HGS: variants seen among roughly 807,000 people sequenced by gnomAD.
HGS encodes the protein hepatocyte growth factor-regulated tyrosine kinase substrate.
Under a neutral mutation model 109.7 loss-of-function variants are expected in HGS, and 63 were observed. The ratio of observed to expected loss-of-function variants is 0.57; its 90% CI spans 0.47 to 0.71. The LOEUF (loss-of-function observed/expected upper bound fraction) is 0.71, where lower values mean the gene tolerates loss of function less well. HGS is among the 30% of genes least tolerant of loss of function. HGS has a pLI of 0.00. For synonymous variants in HGS, 546 were observed against 437.3 expected, an observed-to-expected ratio of 1.25 and a Z score of -3.10; for missense variants, 995 against 1,068.3, an observed-to-expected ratio of 0.93 and a Z score of 0.96.
At chr17:81,684,830 C>G in intron 1 of HGS, 2 of 894,836 alleles carry the variant, frequency 2.2e-6, no homozygotes, top group Non-Finnish European at 2.7e-6. Flanking sequence ...AAGGAGACTT[C>G]AAGTGAGACA....
Position 81,686,264 on chromosome 17 carries a change from C to G in HGS, c.123-48C>G, listed in dbSNP as rs1344426681. Reference sequence around the variant, plus strand: ...GCTTTTCTCATCTTAGTTGCTGAGACTATTTTTTTCCCGTTTTTCTCTGCT... The same window carrying G: ...GCTTTTCTCATCTTAGTTGCTGAGAGTATTTTTTTCCCGTTTTTCTCTGCT... On this transcript the variant is annotated intron_variant, in intron 2 of 21. Transcript: ENST00000329138. 3 of 1,503,242 alleles carry G rather than the reference C, an allele frequency of 2.0e-6. No homozygotes were observed. The East Asian group carries it at 6.8e-5, about 34-fold the overall frequency. 93.1% of individuals were successfully genotyped at this position (1,503,242 alleles called of 1,614,324 possible).
Position 81,700,457 on chromosome 17 carries a change from T to C in HGS, c.1883-10T>C, listed in dbSNP as rs2037218077. On this transcript the variant is annotated splice_polypyrimidine_tract_variant and intron_variant, in intron 18 of 21. Coordinates refer to ENST00000329138, the MANE Select transcript of HGS (RefSeq NM_004712.5). ...TGGCTGAACCATCTCCCCTGTCTTG[T>C]TTGTCACAGATCCCAGCATGGTGAG... 7 of 1,549,630 alleles carry C rather than the reference T, an allele frequency of 4.5e-6. No individual in the cohort carries two copies.
chr17:81,685,025 G>T, intron 1 of HGS: 1 of 985,430 alleles, frequency 1.0e-6, no homozygotes, highest in South Asian at 4.7e-5. Flanking sequence ...TGCCCCCCCA[G>T]AGGGGCCAGT....
chr17:81,697,265 G>A (rs538623151), intron 18 of HGS: 13 of 387,522 alleles, frequency 3.4e-5, no homozygotes, highest in African/African-American at 2.3e-4. Context: ...CTGGGCTGCC[G>A]ATCCTCGTCT....
chr17:81,684,645 G>C (rs1422791163), intron 1 of HGS, among the ~76,000 whole-genome samples: 1 of 152,192 alleles, frequency 6.6e-6, no homozygotes, highest in Non-Finnish European at 1.5e-5. Flanking sequence ...CACGTTTTTG[G>C]AGGTGAAAGC....
At chr17:81,694,515 C>T (rs558617717) in intron 11 of HGS, among the ~76,000 whole-genome samples, 30 of 152,332 alleles carry the variant, frequency 2.0e-4, no homozygotes, top group Admixed American at 1.6e-3. Flanking sequence ...CACGCTGGAC[C>T]GTGGGGGCTG....
chr17:81,701,262 G>A, intron 21 of HGS, 131 bp downstream of exon 21: 1 of 875,464 alleles, frequency 1.1e-6, no homozygotes, highest in Non-Finnish European at 1.8e-6. Context: ...GCATACCCGA[G>A]GCCCCTTCTC....
At chr17:81,685,788 G>A (rs1017000970) in intron 2 of HGS, 99 bp downstream of exon 2, 1 of 837,246 alleles carries the variant, frequency 1.2e-6, no homozygotes, top group Non-Finnish European at 1.9e-6. Flanking sequence ...AGCTGACCGT[G>A]TTAGGCTCTT....
At position 81,694,312 on chromosome 17, in the gene HGS, C is replaced by T. The variant is rs912780321; in HGVS notation, c.936+347C>T. Among the ~76,000 whole-genome samples the T allele has an allele frequency of 3.9e-5, 6 of 152,332 alleles. No individual in the cohort carries two copies. In the East Asian group the frequency reaches 5.8e-4, roughly 15 times the overall value. On this transcript the variant is annotated intron_variant, in intron 11 of 21. Coordinates refer to ENST00000329138, the MANE Select transcript of HGS (RefSeq NM_004712.5). ...CGTCACCTCTCCCTGGCCTCAGCCC[C>T]GCTCTCAGTAGAGGGTGAAGAGGCA...
intron 6 of HGS, 188 bp downstream of exon 6, chr17:81,690,422 T>C (rs1051092955): frequency 3.0e-6 from 2 of 677,194 alleles, no homozygotes; most frequent in Admixed American, 2.8e-5. Flanking sequence ...AGACGTGGCT[T>C]GAGGGCCTTT....
intron 21 of HGS, 113 bp from the exon 22 acceptor site, chr17:81,701,395 C>T (rs1401861483): frequency 8.5e-6 from 10 of 1,179,078 alleles, no homozygotes; most frequent in South Asian, 2.9e-5. Flanking sequence ...AGCTGCAGTC[C>T]GTGGACATGG....
In HGS at chr17:81,696,349, GC is replaced by G; in HGVS notation, c.1394-5del. ...AGTGGTCAGGGTTGCTCTGTCATCT[GC>G]CCACAGTGTACTATGAGGGGCTGCA... is the stretch of plus-strand genomic sequence containing the variant. On this transcript the variant is annotated splice_polypyrimidine_tract_variant and splice_region_variant and intron_variant, in intron 15 of 21. Transcript: ENST00000329138. 6.4e-7 allele frequency: 1 copy of G among 1,565,636 alleles called. No homozygotes were observed. The highest frequency in any genetic ancestry group is 1.2e-5 in the South Asian group (1 of 83,372).
chr17:81,700,911 C>A, intron 20 of HGS, 97 bp downstream of exon 20: 1 of 1,546,072 alleles, frequency 6.5e-7, no homozygotes, highest in Non-Finnish European at 8.9e-7. Context: ...TGGGTGGGCT[C>A]CACCCCTTCT....
Position 81,701,773 on chromosome 17 carries a change from T to G in HGS, c.*155T>G. On this transcript the variant is annotated 3_prime_UTR_variant, in exon 22 of 22. Coordinates refer to ENST00000329138, the MANE Select transcript of HGS (RefSeq NM_004712.5). Reference sequence around the variant, plus strand: ...GCCTTCACCCCAAGCCCACCTCCCTTGTCCTCAGCCTACTGCAGTCCCTGA... The same window carrying G: ...GCCTTCACCCCAAGCCCACCTCCCTGGTCCTCAGCCTACTGCAGTCCCTGA... 8.8e-7 allele frequency: 1 copy of G among 1,140,972 alleles called. No individual in the cohort carries two copies. The highest frequency in any genetic ancestry group is 1.2e-6 in the Non-Finnish European group (1 of 835,588). 70.7% of individuals were successfully genotyped at this position (1,140,972 alleles called of 1,614,324 possible).
chr17:81,698,767 A>G (rs1326861050), intron 18 of HGS, among the ~76,000 whole-genome samples: 2 of 152,154 alleles, frequency 1.3e-5, no homozygotes, highest in Non-Finnish European at 1.5e-5. Flanking sequence ...GTCTTTGTAT[A>G]TGATAAAAAC....
At chr17:81,685,581 C>T (rs764200448) in intron 1 of HGS, 24 bp from the exon 2 acceptor site, 1 of 1,591,018 alleles carries the variant, frequency 6.3e-7, no homozygotes. Flanking sequence ...TAACCCCTCC[C>T]TTTCATGGCA....
intron 3 of HGS, 57 bp downstream of exon 3, chr17:81,686,444 G>A (rs555925172): frequency 1.7e-5 from 21 of 1,248,726 alleles, no homozygotes; most frequent in East Asian, 4.6e-5. Context: ...TACTAGTCAC[G>A]ACAGCATGAG....
Position 81,696,631 on chromosome 17 carries a change from C to G in HGS, c.1591C>G (p.Leu531Val), listed in dbSNP as rs528506634. The stretch of plus-strand genomic sequence containing the variant: ...GGAGTACCTGGAGGTGCAGAGGCAG[C>G]TGGCCATCCAGCGCCTGCAGGAGCA... ...KQEYLEVQRQLAIQRLQEQEK... is the reference protein window; with the variant it reads ...KQEYLEVQRQVAIQRLQEQEK... The change falls in exon 17 of 22, where the codon CTG becomes GTG. Residue 531 changes from leucine to valine, a missense_variant. Physicochemically the swap from Leu to Val is conservative, Grantham distance 32. Around this residue, in one of 6 missense-constraint regions of HGS, gnomAD observed 163 missense variants for 217.8 expected, o/e 0.75. Transcript: ENST00000329138. 42 of 1,609,546 alleles carry G rather than the reference C, an allele frequency of 2.6e-5. No individual in the cohort carries two copies. In the African/African-American group the frequency reaches 4.8e-4, roughly 18 times the overall value.
chr17:81,685,521 C>G (rs527655944), intron 1 of HGS, 84 bp from the exon 2 acceptor site: 119 of 795,746 alleles, frequency 1.5e-4, no homozygotes, highest in South Asian at 3.4e-5. Flanking sequence ...AGGAGAGAGT[C>G]CCCCCCAGCT....
Sources: allele counts gnomAD v4.1 joint callset (sites outside exome capture counted in the v4.1 genomes callset), GRCh38; gene constraint gnomAD v4.1.1; regional missense constraint gnomAD v4.1.1; transcripts MANE v1.5; gene names NCBI Gene and HGNC (gene_info 2026-07-23, HGNC 2026-07-21).